PNPLA6: variants seen among roughly 807,000 people sequenced by gnomAD.
PNPLA6 encodes patatin-like phospholipase domain-containing protein 6.
A neutral mutation model predicts 153.7 loss-of-function variants in PNPLA6; 105 were observed. The ratio of observed to expected loss-of-function variants is 0.68; its 90% CI spans 0.58 to 0.80. PNPLA6 has a LOEUF of 0.80. Among genes scored for constraint, PNPLA6 ranks in the 30% least tolerant of loss-of-function variants. The probability of loss-of-function intolerance (pLI) is 0.00; values close to 1 mark genes in which losing one functional copy is unlikely to be tolerated. For missense variants in PNPLA6, 1,423 were observed against 1,919.3 expected (o/e 0.74, Z 4.83); for synonymous variants, 825 against 822.2 (o/e 1.00, Z -0.06).
At chr19:7,543,165 G>A in intron 13 of PNPLA6, 81 bp downstream of exon 13, 1 of 1,192,222 alleles carries the variant, frequency 8.4e-7, no homozygotes, top group Non-Finnish European at 1.2e-6. Context: ...CCTGCCCTTT[G>A]ACTGTAAGAC....
upstream of PNPLA6, chr19:7,535,674 T>C: frequency 6.5e-7 from 1 of 1,535,188 alleles, no homozygotes; most frequent in Non-Finnish European, 8.8e-7. The surrounding 1 kb of genome is among the most constrained non-coding windows in gnomAD (Gnocchi z 5.0). Flanking sequence ...GGTCTGGCGA[T>C]AACGCGCTGC....
At chr19:7,547,820 T>TAAA (rs1568413528) in intron 13 of PNPLA6, among the ~76,000 whole-genome samples, 4 of 8,096 alleles carry the variant, frequency 4.9e-4, no homozygotes, top group Admixed American at 2.0e-3. Flanking sequence ...AATTTTTTTT[T>TAAA]TTTTTTTTTT....
chr19:7,554,759 G>A (rs778421102), intron 21 of PNPLA6, 36 bp downstream of exon 21: 4 of 1,606,290 alleles, frequency 2.5e-6, no homozygotes, highest in East Asian at 4.5e-5. Flanking sequence ...CACCCACCTC[G>A]GGTCCCGTCC....
At position 7,558,750 on chromosome 19, in the gene PNPLA6, T is replaced by G. The variant is rs1599312702; in HGVS notation, c.3398-100T>G. On this transcript the variant is annotated intron_variant, in intron 27 of 31. Transcript: ENST00000600737. Reference sequence around the variant, plus strand: ...TGTGTGGGTATTCTCTCTTTTTTTTTTGCGTGATCATTTGCATGATGGCAT... The same window carrying G: ...TGTGTGGGTATTCTCTCTTTTTTTTGTGCGTGATCATTTGCATGATGGCAT... 27 of 813,542 alleles carry G rather than the reference T, an allele frequency of 3.3e-5. No individual in the cohort carries two copies. The East Asian group carries it at 7.2e-4, about 22-fold the overall frequency. The allele number at this position is 813,542 out of a possible 1,614,324, so 50.4% of individuals were successfully genotyped here.
chr19:7,550,245 G>C (rs1372925013), intron 14 of PNPLA6, 53 bp from the exon 15 acceptor site: 1 of 1,612,380 alleles, frequency 6.2e-7, no homozygotes, highest in Admixed American at 1.7e-5. Context: ...TCCCAGCGCC[G>C]GTGTAGGACG....
At chr19:7,551,645 A>C (rs2023657025) in intron 18 of PNPLA6, among the ~76,000 whole-genome samples, 1 of 152,140 alleles carries the variant, frequency 6.6e-6, no homozygotes, top group South Asian at 2.1e-4. Flanking sequence ...TGGGAAACGA[A>C]GTCCTCGACC....
Position 7,542,676 on chromosome 19 carries a change from G to A in PNPLA6, c.1362+6G>A. 1.9e-6 allele frequency: 3 copies of A among 1,612,830 alleles called. No individual in the cohort carries two copies. The highest frequency in any genetic ancestry group is 2.5e-6 in the Non-Finnish European group (3 of 1,179,738). On this transcript the variant is annotated splice_donor_region_variant and intron_variant, in intron 11 of 31. Transcript: ENST00000600737. ...CCCTGGCAGCCCCCGCTCGGGTAAG[G>A]CTTGGGACCCTGCCCGGTGGTGGAG...
At chr19:7,559,995 C>T (rs1456112652) in intron 28 of PNPLA6, among the ~76,000 whole-genome samples, 5 of 152,128 alleles carry the variant, frequency 3.3e-5, no homozygotes, top group Middle Eastern at 6.8e-3. Flanking sequence ...CAAAAATTAG[C>T]TGGGTGTGGT....
At position 7,540,329 on chromosome 19, in the gene PNPLA6, G is replaced by A. The variant is rs374388554; in HGVS notation, c.714+21G>A. 1.3e-6 allele frequency: 2 copies of A among 1,594,956 alleles called. No individual in the cohort carries two copies. Among genetic ancestry groups the A allele is most frequent in the Non-Finnish European group, 1.7e-6 (2 of 1,173,158 alleles). On this transcript the variant is annotated intron_variant, in intron 5 of 31. Coordinates refer to ENST00000600737, the MANE Select transcript of PNPLA6 (RefSeq NM_001166114.2). This position sits in a 1 kb window ranked among gnomAD's most constrained non-coding sequence, Gnocchi z 6.8. ...GGCCTGTGAGTGGGCCTCCCCAGGGGCTGCTGCAGGAGGATGGGTGGTGGG... is the reference window on the plus strand; with the variant it reads ...GGCCTGTGAGTGGGCCTCCCCAGGGACTGCTGCAGGAGGATGGGTGGTGGG...
At position 7,561,096 on chromosome 19, in the gene PNPLA6, A is replaced by T; in HGVS notation, c.3899A>T (p.Asp1300Val). The change falls in exon 30 of 32, where the codon GAT (aspartate) becomes GTT (valine). Residue 1300 changes from aspartate to valine, a missense_variant. Around this residue, in one of 10 missense-constraint regions of PNPLA6, gnomAD observed 643 missense variants for 835.2 expected, o/e 0.77. Transcript: ENST00000600737. ...RIEPPTSYVS[D>V]GCADGEESDC... ...GAGCCCCCCACGAGCTATGTCTCTG[A>T]TGGCTGTGCTGACGGTGAGGGGCCC... 1.2e-6 allele frequency: 2 copies of T among 1,610,434 alleles called. No individual in the cohort carries two copies.
intron 10 of PNPLA6, among the ~76,000 whole-genome samples, 168 bp downstream of exon 10, chr19:7,542,235 T>G (rs573592329): frequency 6.6e-6 from 1 of 152,342 alleles, no homozygotes; most frequent in African/African-American, 2.4e-5. Flanking sequence ...TCCCACCTGT[T>G]AAGAGGGATT....
intron 13 of PNPLA6, chr19:7,549,584 G>A (rs1055235579): frequency 5.0e-6 from 2 of 403,226 alleles, no homozygotes; most frequent in Non-Finnish European, 9.3e-6. Context: ...AGCCTTCCAG[G>A]TTCAGGCAAT....
chr19:7,536,367 T>A, intron 2 of PNPLA6, 82 bp from the exon 3 acceptor site: 6 of 1,390,120 alleles, frequency 4.3e-6, no homozygotes, highest in Non-Finnish European at 6.1e-6. Context: ...GCTCCTTCCT[T>A]GATGGAGACC....
chr19:7,551,729 C>A (rs1054037479), intron 18 of PNPLA6, among the ~76,000 whole-genome samples: 2 of 152,078 alleles, frequency 1.3e-5, no homozygotes, highest in Non-Finnish European at 2.9e-5. Flanking sequence ...GTGGACTTGG[C>A]GTAGTCTGCC....
Position 7,540,140 on chromosome 19 carries a change from G to A in PNPLA6, c.555-9G>A, listed in dbSNP as rs1385404731. 1 of 1,612,780 alleles carries A rather than the reference G, an allele frequency of 6.2e-7. No homozygotes were observed. Among genetic ancestry groups the A allele is most frequent in the African/African-American group, 1.3e-5 (1 of 75,070 alleles). ...CTCCAGCCTCTGTCGCCCACCGCCT[G>A]TCCAACAGGGTGCTGGGCCACTTCG... On this transcript the variant is annotated splice_polypyrimidine_tract_variant and intron_variant, in intron 4 of 31. Coordinates refer to ENST00000600737, the MANE Select transcript of PNPLA6 (RefSeq NM_001166114.2). The surrounding 1 kb of genome is among the most constrained non-coding windows in gnomAD (Gnocchi z 6.8).
chr19:7,541,157 C>A lies in PNPLA6; in HGVS notation c.924+106C>A, dbSNP rs905501378. ...GCCCAGCAGCCAGCAGGCGCTGGAG[C>A]TGTGGTTATCGGCCTGGAGCAGCCA... On this transcript the variant is annotated intron_variant, in intron 7 of 31. Coordinates refer to ENST00000600737, the MANE Select transcript of PNPLA6 (RefSeq NM_001166114.2). This position sits in a 1 kb window ranked among gnomAD's most constrained non-coding sequence, Gnocchi z 5.2. The A allele has an allele frequency of 1.2e-5, 17 of 1,370,426 alleles. No individual in the cohort carries two copies. The highest frequency in any genetic ancestry group is 5.7e-5 in the African/African-American group (4 of 69,764). The allele number at this position is 1,370,426 out of a possible 1,614,324, so 84.9% of individuals were successfully genotyped here.
At chr19:7,557,088 C>G in intron 26 of PNPLA6, 80 bp from the exon 27 acceptor site, 1 of 1,060,476 alleles carries the variant, frequency 9.4e-7, no homozygotes, top group African/African-American at 1.6e-5. Context: ...CCCAGGTCAG[C>G]GAGCCCATCG....
At position 7,549,990 on chromosome 19, in the gene PNPLA6, C is replaced by T. The variant is rs1413656580; in HGVS notation, c.1692C>T (p.Phe564=). 7 of 1,614,008 alleles carry T rather than the reference C, an allele frequency of 4.3e-6. No homozygotes were observed. Among genetic ancestry groups the T allele is most frequent in the African/African-American group, 1.3e-5 (1 of 75,068 alleles). The change falls in exon 14 of 32, where the codon TTC becomes TTT. Residue 564 remains phenylalanine, a synonymous_variant. Transcript: ENST00000600737. ...ACAAGGCGGAGGACGTGTGCCTGTT[C>T]GTAGCGCAGCCCGGGGAACTGGTGG... ...MIDKAEDVCL[F]VAQPGELVGQ... is the part of the protein sequence containing the mutation.
At position 7,561,591 on chromosome 19, in the gene PNPLA6, C is replaced by T. The variant is rs754200257; in HGVS notation, c.*29C>T. 8 of 1,505,408 alleles carry T rather than the reference C, an allele frequency of 5.3e-6. No individual in the cohort carries two copies. The highest frequency in any genetic ancestry group is 1.9e-4 in the Middle Eastern group (1 of 5,380). The allele number at this position is 1,505,408 out of a possible 1,614,324, so 93.3% of individuals were successfully genotyped here. A position where few individuals can be genotyped will look rare whatever the true frequency, so the allele number is the denominator to read the frequency against. On this transcript the variant is annotated 3_prime_UTR_variant, in exon 32 of 32. Coordinates refer to ENST00000600737, the MANE Select transcript of PNPLA6 (RefSeq NM_001166114.2). ...CCTCGACAGGGGTCACCCCCTCCCTCCCACCCCTGGACTGGGCTGGGGGTG... is the reference window on the plus strand; with the variant it reads ...CCTCGACAGGGGTCACCCCCTCCCTTCCACCCCTGGACTGGGCTGGGGGTG...
Sources: allele counts gnomAD v4.1 joint callset (sites outside exome capture counted in the v4.1 genomes callset), GRCh38; gene constraint gnomAD v4.1.1; regional missense constraint gnomAD v4.1.1; non-coding constraint Gnocchi (gnomAD v3.1); transcripts MANE v1.5; gene names NCBI Gene and HGNC (gene_info 2026-07-23, HGNC 2026-07-21).